The following UBE2D2 variants were observed in gnomAD, a reference collection of about 807,000 sequenced individuals.
UBE2D2 encodes the protein ubiquitin conjugating enzyme E2 D2.
In UBE2D2, 2 loss-of-function variants were observed where a neutral mutation model predicts 24.2. The observed-to-expected ratio is 0.08, with a 90% CI of 0.03 to 0.26. The LOEUF (loss-of-function observed/expected upper bound fraction) is 0.26, where lower values mean the gene tolerates loss of function less well. Among genes scored for constraint, UBE2D2 ranks in the 10% least tolerant of loss-of-function variants. UBE2D2 has a pLI of 1.00. For missense variants in UBE2D2, 44 were observed against 177.6 expected, an observed-to-expected ratio of 0.25 and a Z score of 4.28; for synonymous variants, 58 against 56.5, an observed-to-expected ratio of 1.03 and a Z score of -0.12.
At chr5:139,548,850 T>C (rs925371093) in intron 1 of UBE2D2, among the ~76,000 whole-genome samples, 7 of 148,974 alleles carry the variant, frequency 4.7e-5, no homozygotes, top group African/African-American at 1.6e-4. Flanking sequence ...CTGGTTCTTT[T>C]TTTTTTCTTT....
At chr5:139,549,343 G>C (rs1345711126) in intron 1 of UBE2D2, among the ~76,000 whole-genome samples, 1 of 152,196 alleles carries the variant, frequency 6.6e-6, no homozygotes, top group Non-Finnish European at 1.5e-5. Flanking sequence ...GAGGTGTGGA[G>C]GGAGAGGCCC....
At chr5:139,563,449 G>T (rs1156970456) in intron 1 of UBE2D2, among the ~76,000 whole-genome samples, 2 of 152,102 alleles carry the variant, frequency 1.3e-5, no homozygotes, top group Non-Finnish European at 2.9e-5. Context: ...CGTTTAAGGG[G>T]CAGGGGAGCA....
In UBE2D2 at chr5:139,562,095, G is replaced by C. The variant is rs145406341; in HGVS notation, c.24+280G>C. On this transcript the variant is annotated intron_variant, in intron 1 of 6. Coordinates refer to ENST00000398733, the MANE Select transcript of UBE2D2 (RefSeq NM_003339.3). ...GACTCTTAGGGCTTCTCTCCAGTCT[G>C]GGACTGCCGCTGCACTTGAGGGCCA... 308 of 950,688 alleles carry C rather than the reference G, an allele frequency of 3.2e-4. 2 individuals are homozygous for C. In the African/African-American group the frequency reaches 4.3e-3, roughly 13 times the overall value. The allele number at this position is 950,688 out of a possible 1,614,324, so 58.9% of individuals were successfully genotyped here.
intron 1 of UBE2D2, among the ~76,000 whole-genome samples, chr5:139,580,786 T>C (rs1384903461): frequency 2.0e-5 from 3 of 152,116 alleles, no homozygotes; most frequent in Admixed American, 6.6e-5. Context: ...CCAGGTGTGG[T>C]GGCATGTGCT....
intron 1 of UBE2D2, among the ~76,000 whole-genome samples, chr5:139,552,315 A>C (rs1051138510): frequency 6.6e-6 from 1 of 151,934 alleles, no homozygotes; most frequent in African/African-American, 2.4e-5. Context: ...GGTGTGCACC[A>C]CCACGCCTGG....
intron 1 of UBE2D2, chr5:139,562,507 G>T: frequency 8.5e-7 from 1 of 1,177,444 alleles, no homozygotes; most frequent in Non-Finnish European, 1.1e-6. Context: ...TGCAGGATTG[G>T]ATCTAATAGA....
intron 1 of UBE2D2, among the ~76,000 whole-genome samples, chr5:139,549,640 G>C (rs1224591505): frequency 6.6e-6 from 1 of 152,218 alleles, no homozygotes; most frequent in Non-Finnish European, 1.5e-5. Context: ...TACACCGTGA[G>C]CTCGCGGGGC....
chr5:139,537,076 G>C lies in UBE2D2; in HGVS notation c.-64+10464G>C, dbSNP rs551903533. 2.0e-5 allele frequency among the ~76,000 whole-genome samples: 3 copies of C among 151,890 alleles called. No individual in the cohort carries two copies. In the South Asian group the frequency reaches 6.3e-4, roughly 32 times the overall value. ...CGGATGCCTGTAGTCCCAGCTACTC[G>C]GGAGGCTGAGGCAGGAGAATGGCAT... On this transcript the variant is annotated intron_variant, in intron 1 of 6. Coordinates refer to the UBE2D2 transcript ENST00000511725.
rs112323447 is a variant in UBE2D2 at position 139,531,625 on chromosome 5, CAAA to C, written c.-64+5024_-64+5026del. The stretch of plus-strand genomic sequence containing the variant: ...TTGGGTGACAGAGTGAGACCCTATC[CAAA>C]AAAAAAAAAAGAAAGAAAAAGAAAG... On this transcript the variant is annotated intron_variant, in intron 1 of 6. Coordinates refer to the UBE2D2 transcript ENST00000511725. Among the ~76,000 whole-genome samples, 37 of 97,342 alleles carry C rather than the reference CAAA, an allele frequency of 3.8e-4. 1 individual carries two copies. The highest frequency in any genetic ancestry group is 1.4e-3 in the African/African-American group (35 of 25,724). 63.9% of individuals were successfully genotyped at this position (97,342 alleles called of 152,430 possible).
chr5:139,623,193 T>TAAG (rs1276581886), intron 5 of UBE2D2, among the ~76,000 whole-genome samples, 175 bp from the exon 6 acceptor site: 3 of 151,524 alleles, frequency 2.0e-5, no homozygotes, highest in Admixed American at 2.0e-4. Flanking sequence ...AAAGAAATAA[T>TAAG]AATAATAATA....
chr5:139,555,643 A>C (rs1561500571), intron 1 of UBE2D2, among the ~76,000 whole-genome samples: 1 of 151,950 alleles, frequency 6.6e-6, no homozygotes, highest in Non-Finnish European at 1.5e-5. Flanking sequence ...ATCTAGAAAA[A>C]CGGCCAGATG....
intron 1 of UBE2D2, among the ~76,000 whole-genome samples, chr5:139,580,033 G>A (rs1207336177): frequency 1.4e-5 from 2 of 147,676 alleles, no homozygotes; most frequent in African/African-American, 2.5e-5. Context: ...GCAACAGAGC[G>A]AGACTCCCTC....
At chr5:139,564,918 A>AT (rs552136144) in intron 1 of UBE2D2, among the ~76,000 whole-genome samples, 12 of 151,032 alleles carry the variant, frequency 7.9e-5, no homozygotes, top group South Asian at 2.1e-4. Flanking sequence ...ATGGAGATTA[A>AT]TTTTTTTTTT....
At chr5:139,595,892 G>GTTTTTTT (rs70988709) in intron 1 of UBE2D2, among the ~76,000 whole-genome samples, 3 of 98,880 alleles carry the variant, frequency 3.0e-5, no homozygotes, top group African/African-American at 4.3e-5. Flanking sequence ...GTTTTTTGTT[G>GTTTTTTT]TTTTTTTTTT....
chr5:139,584,333 C>T (rs180743636), intron 1 of UBE2D2, among the ~76,000 whole-genome samples: 27 of 152,196 alleles, frequency 1.8e-4, no homozygotes, highest in Admixed American at 3.3e-4. Flanking sequence ...TATACCATCT[C>T]GGTTTGTGTA....
intron 1 of UBE2D2, among the ~76,000 whole-genome samples, chr5:139,588,339 G>A (rs1424276393): frequency 6.7e-6 from 1 of 150,132 alleles, no homozygotes; most frequent in East Asian, 2.0e-4. Flanking sequence ...GCAGTGGCGC[G>A]ATCTCAGCTC....
chr5:139,624,151 A>G (rs1754569762), intron 6 of UBE2D2, among the ~76,000 whole-genome samples: 1 of 152,222 alleles, frequency 6.6e-6, no homozygotes, highest in Non-Finnish European at 1.5e-5. Context: ...AATCTAAAGG[A>G]AGAAAGCAAA....
chr5:139,535,141 CAAAT>C (rs556026108), intron 1 of UBE2D2, among the ~76,000 whole-genome samples: 8 of 146,238 alleles, frequency 5.5e-5, no homozygotes, highest in East Asian at 2.1e-4. Context: ...GACTTTATCT[CAAAT>C]AAATAAATAA....
At chr5:139,590,563 A>G (rs1753822805) in intron 1 of UBE2D2, among the ~76,000 whole-genome samples, 3 of 152,082 alleles carry the variant, frequency 2.0e-5, no homozygotes. Context: ...ATGTAACGCT[A>G]TCTAAATAAA....
Sources: gnomAD v4.1 joint callset for allele counts (sites outside exome capture counted in the v4.1 genomes callset) on GRCh38, gnomAD v4.1.1 for gene constraint, MANE v1.5 for transcripts, NCBI Gene and HGNC (gene_info 2026-07-23, HGNC 2026-07-21) for gene names.